Variants in TMPRSS11B observed in about 807,000 individuals in gnomAD.
TMPRSS11B encodes the protein transmembrane protease serine 11B.
Under a neutral mutation model 44.7 loss-of-function variants are expected in TMPRSS11B, and 53 were observed. The ratio of observed to expected loss-of-function variants is 1.19; its 90% CI spans 0.95 to 1.49. The LOEUF (loss-of-function observed/expected upper bound fraction) is 1.49, where lower values mean the gene tolerates loss of function less well. Among genes scored for constraint, TMPRSS11B ranks in the 40% most tolerant of loss-of-function variants. The pLI is 0.00. For synonymous variants in TMPRSS11B, 140 were observed against 159.2 expected, an observed-to-expected ratio of 0.88 and a Z score of 0.91; for missense variants, 526 against 494.8, an observed-to-expected ratio of 1.06 and a Z score of -0.60.
intron 2 of TMPRSS11B, among the ~76,000 whole-genome samples, chr4:68,237,802 G>T (rs1436609303): frequency 2.0e-5 from 3 of 152,142 alleles, no homozygotes; most frequent in Non-Finnish European, 2.9e-5. Context: ...GACTGCTTGA[G>T]TCCAGGGGTT....
At chr4:68,234,381 T>C in intron 5 of TMPRSS11B, 82 bp downstream of exon 5, 1 of 1,450,266 alleles carries the variant, frequency 6.9e-7, no homozygotes, top group South Asian at 1.3e-5. Context: ...ACTAAAACTC[T>C]TAGTTCACTT....
rs183402460 is a variant in TMPRSS11B, at chr4:68,238,443, G to T, written c.125-2177C>A. 4.5e-3 allele frequency among the ~76,000 whole-genome samples: 684 copies of T among 152,052 alleles called. 5 individuals carry two copies. Among genetic ancestry groups the T allele is most frequent in the Admixed American group, 0.013 (195 of 15,250 alleles). ...TATTAATCACAAAAACTAAATTGCA[G>T]CCTGGTGCGGTGGCTCCCAGCTGTA... is the stretch of plus-strand genomic sequence containing the variant. On this transcript the variant is annotated intron_variant, in intron 2 of 9. Transcript: ENST00000332644.
chr4:68,231,290 G>A lies in TMPRSS11B; in HGVS notation c.599C>T (p.Ala200Val), dbSNP rs762608510. ...GTGACGGCCTTTCCATTGCATGCTG[G>A]CCTGCCATGGCCATGCCCCCTCCAG... ...SSLEGAWPWQ[A>V]SMQWKGRHYC... The change falls in exon 7 of 10, where the codon GCC becomes GTC. Residue 200 changes from alanine (A) to valine (V), a missense_variant. Physicochemically the swap from Ala to Val is moderately conservative, Grantham distance 64 (BLOSUM62 0). Coordinates refer to ENST00000332644, the MANE Select transcript of TMPRSS11B (RefSeq NM_182502.3). 5 of 1,613,860 alleles carry A rather than the reference G, an allele frequency of 3.1e-6. No homozygotes were observed. The Admixed American group carries it at 8.3e-5, about 27-fold the overall frequency.
chr4:68,236,420 A>G (rs369784403), intron 2 of TMPRSS11B, among the ~76,000 whole-genome samples, 154 bp from the exon 3 acceptor site: 1 of 151,840 alleles, frequency 6.6e-6, no homozygotes, highest in South Asian at 2.1e-4. Flanking sequence ...TAACATTTAT[A>G]CCTCTGCCTC....
At chr4:68,234,682 A>G in intron 4 of TMPRSS11B, 59 bp from the exon 5 acceptor site, 1 of 1,546,064 alleles carries the variant, frequency 6.5e-7, no homozygotes, top group Non-Finnish European at 8.8e-7. Flanking sequence ...GGTTTTGTGA[A>G]CACATTAAAT....
In TMPRSS11B at chr4:68,236,030, A is replaced by T; in HGVS notation, c.280T>A (p.Tyr94Asn). 6.3e-7 allele frequency: 1 copy of T among 1,587,224 alleles called. No homozygotes were observed. The highest frequency in any genetic ancestry group is 2.3e-5 in the East Asian group (1 of 44,314). Residue 94 changes from tyrosine (Y) to asparagine (N), a missense_variant, in exon 4 of 10, where the codon TAT becomes AAT. Tyr to Asn is a moderately radical substitution (Grantham distance 143). Transcript: ENST00000332644. Reference protein sequence around the residue: ...AFQNSSIYKEYVKSEVIKLLP... With the variant: ...AFQNSSIYKENVKSEVIKLLP... ...AGTTTGATGACCTCAGATTTGACAT[A>T]TTCCTTATATATACTGGAATTTTGA...
intron 1 of TMPRSS11B, 52 bp from the exon 2 acceptor site, chr4:68,241,856 A>G (rs200310233): frequency 1.0e-6 from 1 of 999,360 alleles, no homozygotes; most frequent in Non-Finnish European, 1.6e-6. Context: ...ATCAAAATCT[A>G]CCTGCCTCTC....
intron 7 of TMPRSS11B, chr4:68,229,818 A>C: frequency 4.2e-6 from 1 of 236,934 alleles, no homozygotes; most frequent in Non-Finnish European, 8.2e-6. Context: ...CAGGAATCAC[A>C]TGAGCGTCCT....
At chr4:68,244,076 T>A (rs1719936984) in intron 1 of TMPRSS11B, among the ~76,000 whole-genome samples, 1 of 152,190 alleles carries the variant, frequency 6.6e-6, no homozygotes, top group Non-Finnish European at 1.5e-5. Flanking sequence ...TATTATTATT[T>A]TTGAATAATA....
Position 68,241,168 on chromosome 4 carries a change from T to G in TMPRSS11B, c.124+521A>C, listed in dbSNP as rs1035367838. 4.6e-5 allele frequency among the ~76,000 whole-genome samples: 7 copies of G among 152,210 alleles called. No individual in the cohort carries two copies. In the East Asian group the frequency reaches 1.2e-3, roughly 25 times the overall value. On this transcript the variant is annotated intron_variant, in intron 2 of 9. Transcript: ENST00000332644. ...GACTTATTTTTCAGAAAAGTAAAAA[T>G]AAATTGGAAACTAAGCTTTGTGAGT...
chr4:68,241,517 CCT>C (rs1425736131), intron 2 of TMPRSS11B, among the ~76,000 whole-genome samples, 170 bp downstream of exon 2: 4 of 151,946 alleles, frequency 2.6e-5, no homozygotes, highest in African/African-American at 9.7e-5. Flanking sequence ...TACAAGGAGG[CCT>C]CTGATTCAAA....
chr4:68,244,556 C>T (rs1386596104), intron 1 of TMPRSS11B, among the ~76,000 whole-genome samples: 1 of 152,168 alleles, frequency 6.6e-6, no homozygotes, highest in African/African-American at 2.4e-5. Context: ...ACCCCAGCTC[C>T]ATCACAGGGG....
chr4:68,235,950 T>A (rs1405371485), intron 4 of TMPRSS11B, 52 bp downstream of exon 4: 1 of 1,049,638 alleles, frequency 9.5e-7, no homozygotes, highest in Admixed American at 2.6e-5. Context: ...CAAGGTTGTA[T>A]GATATATCAC....
At chr4:68,239,447 A>T (rs1205738496) in intron 2 of TMPRSS11B, among the ~76,000 whole-genome samples, 1 of 152,232 alleles carries the variant, frequency 6.6e-6, no homozygotes, top group East Asian at 1.9e-4. Context: ...TATTGGTCTT[A>T]AAAGTCCAGT....
At chr4:68,233,824 A>C (rs1226594992) in intron 5 of TMPRSS11B, among the ~76,000 whole-genome samples, 1 of 152,038 alleles carries the variant, frequency 6.6e-6, no homozygotes, top group Non-Finnish European at 1.5e-5. Flanking sequence ...AGACCAAGAA[A>C]GCCCTAAATC....
intron 9 of TMPRSS11B, 135 bp downstream of exon 9, chr4:68,228,607 A>G (rs1577974275): frequency 1.1e-6 from 1 of 874,406 alleles, no homozygotes; most frequent in Non-Finnish European, 1.7e-6. Context: ...ACATAAATGG[A>G]ATTAATACAT....
In TMPRSS11B at chr4:68,231,381, C is replaced by T. The variant is rs747528967; in HGVS notation, c.509-1G>A. ...CTGTTGGCTACTTGTCTCCCACAAC[C>T]TAGAGAAAGGATTTATTTACACGAG... On this transcript the variant is annotated splice_acceptor_variant, in intron 6 of 9. Coordinates refer to ENST00000332644, the MANE Select transcript of TMPRSS11B (RefSeq NM_182502.3). LOFTEE classifies it high-confidence loss of function. 1.2e-6 allele frequency: 2 copies of T among 1,608,828 alleles called. No individual in the cohort carries two copies. Among genetic ancestry groups the T allele is most frequent in the South Asian group, 2.2e-5 (2 of 90,176 alleles).
intron 2 of TMPRSS11B, 79 bp downstream of exon 2, chr4:68,241,610 T>C (rs1401045605): frequency 4.1e-5 from 34 of 825,894 alleles, no homozygotes; most frequent in Non-Finnish European, 6.0e-5. Context: ...AGAAATTTAA[T>C]GTTCATGTTG....
intron 4 of TMPRSS11B, 138 bp downstream of exon 4, chr4:68,235,864 C>G: frequency 2.1e-6 from 1 of 473,564 alleles, no homozygotes; most frequent in Non-Finnish European, 3.6e-6. Flanking sequence ...TCCTTCGTTC[C>G]TTCCTTTCTT....
Sources: gnomAD v4.1 joint callset for allele counts (sites outside exome capture counted in the v4.1 genomes callset) on GRCh38, gnomAD v4.1.1 for gene constraint, MANE v1.5 for transcripts, NCBI Gene and HGNC (gene_info 2026-07-23, HGNC 2026-07-21) for gene names.